Variants in VAV3 observed in about 807,000 individuals in gnomAD.
The protein encoded by VAV3 is vav guanine nucleotide exchange factor 3, also known as guanine nucleotide exchange factor VAV3.
VAV3 carries 94 observed loss-of-function variants against 131.2 expected under a neutral mutation model. The observed-to-expected ratio is 0.72, with a 90% CI of 0.61 to 0.85. The LOEUF is 0.85. VAV3 is among the 40% of genes least tolerant of loss of function. The probability of loss-of-function intolerance (pLI) is 0.00; values close to 1 mark genes in which losing one functional copy is unlikely to be tolerated. For synonymous variants in VAV3, 349 were observed against 342.0 expected (o/e 1.02, Z -0.22); for missense variants, 939 against 1,002.7 (o/e 0.94, Z 0.86).
At chr1:107,811,821 A>G (rs1667330046) in intron 2 of VAV3, among the ~76,000 whole-genome samples, 1 of 152,220 alleles carries the variant, frequency 6.6e-6, no homozygotes, top group African/African-American at 2.4e-5. Context: ...CCTGCAACTC[A>G]GGGCTCCTCC....
intron 19 of VAV3, among the ~76,000 whole-genome samples, chr1:107,648,656 C>T (rs1294785395): frequency 6.6e-6 from 1 of 152,034 alleles, no homozygotes; most frequent in East Asian, 1.9e-4. Context: ...CACAATTTTA[C>T]AGAGTATTGT....
intron 15 of VAV3, among the ~76,000 whole-genome samples, chr1:107,739,136 C>A (rs566098914): frequency 6.6e-6 from 1 of 152,278 alleles, no homozygotes; most frequent in African/African-American, 2.4e-5. Flanking sequence ...TGTGACTTCT[C>A]CTTCCTCATA....
chr1:107,748,942 G>A, intron 15 of VAV3, 26 bp downstream of exon 15: 1 of 1,492,070 alleles, frequency 6.7e-7, no homozygotes. Context: ...AAAAATAAAA[G>A]CACTTTTAAA....
intron 1 of VAV3, among the ~76,000 whole-genome samples, chr1:107,904,524 T>C (rs1672013735): frequency 1.3e-5 from 2 of 152,364 alleles, no homozygotes; most frequent in Admixed American, 6.5e-5. Context: ...GTGGTCACTG[T>C]CTTTTTCCAC....
intron 2 of VAV3, among the ~76,000 whole-genome samples, chr1:107,821,311 T>C (rs764117674): frequency 2.6e-5 from 4 of 152,188 alleles, no homozygotes; most frequent in Non-Finnish European, 5.9e-5. Context: ...AGTAAGAATG[T>C]CCTTCCTCAT....
At chr1:107,643,770 A>G (rs1303282906) in intron 19 of VAV3, among the ~76,000 whole-genome samples, 1 of 152,190 alleles carries the variant, frequency 6.6e-6, no homozygotes, top group Non-Finnish European at 1.5e-5. Flanking sequence ...GCTTCAGCAA[A>G]CAGTTTATTA....
chr1:107,906,938 TA>T (rs1255383906), intron 1 of VAV3, among the ~76,000 whole-genome samples: 2 of 152,172 alleles, frequency 1.3e-5, no homozygotes, highest in East Asian at 3.9e-4. Flanking sequence ...TTTCTTAGTT[TA>T]AAGCACATTT....
intron 1 of VAV3, among the ~76,000 whole-genome samples, chr1:107,961,906 C>T (rs972966888): frequency 1.3e-5 from 2 of 152,154 alleles, no homozygotes; most frequent in Non-Finnish European, 2.9e-5. Flanking sequence ...AGAAGGCTAA[C>T]AGAGAATAGA....
chr1:107,937,291 T>C (rs550125062), intron 1 of VAV3, among the ~76,000 whole-genome samples: 20 of 152,306 alleles, frequency 1.3e-4, no homozygotes, highest in African/African-American at 4.3e-4. Context: ...GCATGACTAA[T>C]TGGTCCCTTC....
At chr1:107,782,031 T>C (rs764698710) in intron 2 of VAV3, among the ~76,000 whole-genome samples, 4 of 152,190 alleles carry the variant, frequency 2.6e-5, no homozygotes, top group African/African-American at 4.8e-5. Flanking sequence ...ATTAACTACA[T>C]TGCTTTACTT....
intron 19 of VAV3, 126 bp downstream of exon 19, chr1:107,683,362 A>G (rs1318837919): frequency 1.3e-5 from 14 of 1,069,828 alleles, no homozygotes; most frequent in Non-Finnish European, 2.0e-5. Flanking sequence ...TCCTGGTCAC[A>G]CATTATACAC....
At chr1:107,793,861 G>A (rs1294949551) in intron 2 of VAV3, among the ~76,000 whole-genome samples, 1 of 152,174 alleles carries the variant, frequency 6.6e-6, no homozygotes, top group Non-Finnish European at 1.5e-5. Context: ...ATTGATTAGG[G>A]AGTAAATCTG....
chr1:107,599,246 G>A (rs1196100727), intron 24 of VAV3, among the ~76,000 whole-genome samples: 1 of 152,084 alleles, frequency 6.6e-6, no homozygotes, highest in Admixed American at 6.5e-5. Flanking sequence ...CTTCCTACAT[G>A]TTTCTAACTG....
chr1:107,589,629 G>T (rs1200991316), intron 25 of VAV3, among the ~76,000 whole-genome samples: 1 of 152,154 alleles, frequency 6.6e-6, no homozygotes, highest in African/African-American at 2.4e-5. Flanking sequence ...CCAATATAAT[G>T]AGATTAAAAC....
At chr1:107,849,488 C>T (rs1372920796) in intron 2 of VAV3, among the ~76,000 whole-genome samples, 1 of 152,170 alleles carries the variant, frequency 6.6e-6, no homozygotes, top group Non-Finnish European at 1.5e-5. Flanking sequence ...AAAGGATTCC[C>T]TATTTAATAA....
At chr1:107,843,524 C>CGT (rs113866726) in intron 2 of VAV3, among the ~76,000 whole-genome samples, 6,662 of 146,062 alleles carry the variant, frequency 0.046, 357 homozygotes, top group African/African-American at 0.13. Context: ...TGTATGTGTG[C>CGT]GTGTGTGTGT....
intron 1 of VAV3, among the ~76,000 whole-genome samples, chr1:107,894,520 G>A (rs746687767): frequency 5.3e-5 from 8 of 152,226 alleles, no homozygotes; most frequent in Non-Finnish European, 1.2e-4. Context: ...ATTTCATTAT[G>A]ATGAAATTAA....
chr1:107,691,800 T>G (rs948965357), intron 17 of VAV3, among the ~76,000 whole-genome samples: 5 of 152,182 alleles, frequency 3.3e-5, no homozygotes, highest in Non-Finnish European at 5.9e-5. Context: ...GTGGTGTTGC[T>G]GAGGTGCTTG....
At chr1:107,844,186 G>A (rs1379394666) in intron 2 of VAV3, among the ~76,000 whole-genome samples, 1 of 151,848 alleles carries the variant, frequency 6.6e-6, no homozygotes, top group Non-Finnish European at 1.5e-5. Context: ...GAAGCAGGGT[G>A]GGGCATTCCT....
Sources: gnomAD v4.1 joint callset for allele counts (sites outside exome capture counted in the v4.1 genomes callset) on GRCh38, gnomAD v4.1.1 for gene constraint, MANE v1.5 for transcripts, NCBI Gene and HGNC (gene_info 2026-07-23, HGNC 2026-07-21) for gene names.